Variants in VGLL3 observed in about 807,000 individuals in gnomAD.
VGLL3 encodes the protein vestigial like family member 3.
VGLL3 carries 18 observed loss-of-function variants against 29.2 expected under a neutral mutation model. The ratio of observed to expected loss-of-function variants is 0.62; its 90% CI spans 0.43 to 0.91. VGLL3 has a LOEUF of 0.91. Ranked by LOEUF, VGLL3 falls within the 40% of genes least tolerant of loss-of-function variation. The pLI is 0.00. For missense variants in VGLL3, 440 were observed against 413.2 expected (o/e 1.06, Z -0.56); for synonymous variants, 180 against 151.8 (o/e 1.19, Z -1.36).
intron 3 of VGLL3, among the ~76,000 whole-genome samples, chr3:86,949,043 A>G (rs1010390511): frequency 6.6e-6 from 1 of 152,202 alleles, no homozygotes; most frequent in Non-Finnish European, 1.5e-5. Context: ...ACACTTGAAG[A>G]CTGCATCAAT....
At chr3:86,961,364 G>T (rs1307664852) in intron 3 of VGLL3, among the ~76,000 whole-genome samples, 5 of 152,094 alleles carry the variant, frequency 3.3e-5, no homozygotes, top group Non-Finnish European at 5.9e-5. Flanking sequence ...AACTTGGCTG[G>T]AATGTACAAG....
chr3:86,969,169 T>G, intron 2 of VGLL3, 46 bp from the exon 3 acceptor site: 1 of 1,519,042 alleles, frequency 6.6e-7, no homozygotes. Flanking sequence ...AAGACTCAGT[T>G]TTGGGATAGA....
Position 86,969,089 on chromosome 3 carries a change from G to T in VGLL3, c.438C>A (p.Phe146Leu). 2 of 1,608,146 alleles carry T rather than the reference G, an allele frequency of 1.2e-6. No homozygotes were observed. The highest frequency in any genetic ancestry group is 1.7e-6 in the Non-Finnish European group (2 of 1,175,904). ...AAGAGCTGGTCCAAAAGGAAGTTGG[G>T]AAACTATTCCGCTGGCTTGAGAGAG... is the stretch of plus-strand genomic sequence containing the variant. Reference protein sequence around the residue: ...SSALSSQRNSFPTSFWTSSYQ... With the variant: ...SSALSSQRNSLPTSFWTSSYQ... Residue 146 changes from phenylalanine (F) to leucine (L), a missense_variant, in exon 3 of 4, where the codon TTC (phenylalanine) becomes TTA (leucine). Phe to Leu is a conservative substitution (Grantham distance 22). Coordinates refer to ENST00000398399, the MANE Select transcript of VGLL3 (RefSeq NM_016206.4).
chr3:86,981,719 T>C lies in VGLL3; in HGVS notation c.127-2917A>G, dbSNP rs1026836670. 2.6e-5 allele frequency among the ~76,000 whole-genome samples: 4 copies of C among 152,186 alleles called. 1 individual carries two copies. The South Asian group carries it at 8.3e-4, about 31-fold the overall frequency. On this transcript the variant is annotated intron_variant, in intron 1 of 3. Coordinates refer to ENST00000398399, the MANE Select transcript of VGLL3 (RefSeq NM_016206.4). ...TCAAACAAATAAAATGAAAAAAGCT[T>C]CTATCTACCCATAGGCAGGACACAA...
intron 2 of VGLL3, among the ~76,000 whole-genome samples, chr3:86,975,774 T>A (rs1351936820): frequency 6.6e-6 from 1 of 152,146 alleles, no homozygotes; most frequent in Non-Finnish European, 1.5e-5. Flanking sequence ...AAGCGCATGC[T>A]GTGTGCTCCT....
intron 1 of VGLL3, chr3:86,990,196 C>T (rs1705549661): frequency 1.9e-6 from 1 of 538,822 alleles, no homozygotes; most frequent in South Asian, 8.0e-5. Context: ...CAGGTAGCTT[C>T]CCCTACCTCT....
intron 3 of VGLL3, among the ~76,000 whole-genome samples, chr3:86,956,702 C>G (rs965948067): frequency 1.0e-4 from 15 of 150,750 alleles, no homozygotes; most frequent in African/African-American, 2.4e-4. Flanking sequence ...GGAGAATGGC[C>G]TGAACCCGGG....
At chr3:86,962,615 A>C in intron 3 of VGLL3, 1 of 938,150 alleles carries the variant, frequency 1.1e-6, no homozygotes, top group Non-Finnish European at 1.3e-6. Context: ...CTTTGAAAAA[A>C]ATTCAAAAAA....
rs1340993815 is a variant in VGLL3, at chr3:86,942,537, C to A, written c.*4487G>T. On this transcript the variant is annotated 3_prime_UTR_variant, in exon 4 of 4. Transcript: ENST00000398399. Reference sequence around the variant, plus strand: ...GTAAAAATAAAAAAAAATTGGATAACTTCAAAAGAAATGTTCTTATCCTAG... The same window carrying A: ...GTAAAAATAAAAAAAAATTGGATAAATTCAAAAGAAATGTTCTTATCCTAG... 1.3e-5 allele frequency: 2 copies of A among 151,962 alleles called. 1 individual carries two copies. Among genetic ancestry groups the A allele is most frequent in the African/African-American group, 4.8e-5 (2 of 41,368 alleles). The allele number at this position is 151,962 out of a possible 1,614,324, so 9.4% of individuals were successfully genotyped here.
intron 1 of VGLL3, among the ~76,000 whole-genome samples, chr3:86,982,251 T>C (rs1030273040): frequency 2.0e-5 from 3 of 152,152 alleles, no homozygotes; most frequent in African/African-American, 7.2e-5. Flanking sequence ...TTCAAGTGAT[T>C]CTCCTGCCTC....
At chr3:86,954,696 T>TTGTCCA (rs1704681425) in intron 3 of VGLL3, among the ~76,000 whole-genome samples, 1 of 152,122 alleles carries the variant, frequency 6.6e-6, no homozygotes. Context: ...TCTTGGGTGA[T>TTGTCCA]AGAAGCTGGG....
At chr3:86,977,304 A>G (rs1246089036) in intron 2 of VGLL3, among the ~76,000 whole-genome samples, 2 of 152,232 alleles carry the variant, frequency 1.3e-5, no homozygotes, top group African/African-American at 2.4e-5. Flanking sequence ...AAGGTCAAGT[A>G]GGTAAGAAAA....
At chr3:86,962,339 C>T in intron 3 of VGLL3, 5 of 985,254 alleles carry the variant, frequency 5.1e-6, no homozygotes, top group Non-Finnish European at 6.0e-6. Context: ...GCCCTGGGTG[C>T]AAAATATGGG....
At chr3:86,950,289 G>T (rs1036030533) in intron 3 of VGLL3, among the ~76,000 whole-genome samples, 1 of 151,968 alleles carries the variant, frequency 6.6e-6, no homozygotes. Context: ...ATTTTCTTAG[G>T]GCCTTAATGA....
chr3:86,970,106 T>G (rs1029849594), intron 2 of VGLL3, among the ~76,000 whole-genome samples: 3 of 152,106 alleles, frequency 2.0e-5, no homozygotes, highest in Non-Finnish European at 2.9e-5. Context: ...GGAAGTATTT[T>G]GGGGAGAGGG....
At chr3:86,964,183 T>G (rs1376216178) in intron 3 of VGLL3, among the ~76,000 whole-genome samples, 1 of 152,204 alleles carries the variant, frequency 6.6e-6, no homozygotes, top group Non-Finnish European at 1.5e-5. Flanking sequence ...CAATAAAGTT[T>G]TATTGGAACA....
intron 3 of VGLL3, among the ~76,000 whole-genome samples, chr3:86,949,287 C>G (rs754658759): frequency 6.6e-6 from 1 of 152,140 alleles, no homozygotes; most frequent in Non-Finnish European, 1.5e-5. Context: ...TTCATATATT[C>G]AATTTCTTGT....
rs1200260046 is a variant in VGLL3 at position 86,942,510 on chromosome 3, A to G, written c.*4514T>C. On this transcript the variant is annotated 3_prime_UTR_variant, in exon 4 of 4. Transcript: ENST00000398399. ...ATATTTTCCAACTTTCCTTCAAGTC[A>G]AGTAAAAATAAAAAAAAATTGGATA... 6.6e-6 allele frequency: 1 copy of G among 152,160 alleles called. No homozygotes were observed. Among genetic ancestry groups the G allele is most frequent in the Non-Finnish European group, 1.5e-5 (1 of 68,036 alleles). 9.4% of individuals were successfully genotyped at this position (152,160 alleles called of 1,614,324 possible). A position where few individuals can be genotyped will look rare whatever the true frequency, so the allele number is the denominator to read the frequency against.
intron 2 of VGLL3, among the ~76,000 whole-genome samples, chr3:86,971,234 C>T (rs184839960): frequency 1.5e-4 from 23 of 152,296 alleles, no homozygotes; most frequent in African/African-American, 5.5e-4. Flanking sequence ...CAGTCAACCA[C>T]CACATATATC....
Sources: allele counts gnomAD v4.1 joint callset (sites outside exome capture counted in the v4.1 genomes callset), GRCh38; gene constraint gnomAD v4.1.1; transcripts MANE v1.5; gene names NCBI Gene and HGNC (gene_info 2026-07-23, HGNC 2026-07-21).